STT3B: variants seen among roughly 807,000 people sequenced by gnomAD.
The protein encoded by STT3B is dolichyl-diphosphooligosaccharide--protein glycosyltransferase subunit STT3B.
A neutral mutation model predicts 96.8 loss-of-function variants in STT3B; 29 were observed. The ratio of observed to expected loss-of-function variants is 0.30; its 90% CI spans 0.22 to 0.41. The LOEUF is 0.41. Ranked by LOEUF, STT3B falls within the 10% of genes least tolerant of loss-of-function variation. The pLI, the probability that STT3B is intolerant of heterozygous loss-of-function variation, is 1.00. For synonymous variants in STT3B, 367 were observed against 360.0 expected (o/e 1.02, Z -0.22); for missense variants, 640 against 1,022.3 (o/e 0.63, Z 5.10).
intron 1 of STT3B, among the ~76,000 whole-genome samples, chr3:31,569,491 G>A (rs537002536): frequency 6.6e-6 from 1 of 152,274 alleles, no homozygotes; most frequent in East Asian, 1.9e-4. Flanking sequence ...TGGAGGAGGT[G>A]TGTTTTTGTT....
At chr3:31,544,962 A>G (rs1697367234) in intron 1 of STT3B, among the ~76,000 whole-genome samples, 1 of 152,116 alleles carries the variant, frequency 6.6e-6, no homozygotes, top group Non-Finnish European at 1.5e-5. Flanking sequence ...AACATTGCAT[A>G]TGCTCTTAAT....
chr3:31,534,673 T>G (rs894173545), intron 1 of STT3B, among the ~76,000 whole-genome samples: 10 of 152,166 alleles, frequency 6.6e-5, no homozygotes, highest in Non-Finnish European at 1.5e-4. Flanking sequence ...AGAGAAAAAT[T>G]GGTACTGCAA....
Position 31,533,329 on chromosome 3 carries a change from C to G in STT3B, c.314+17C>G, listed in dbSNP as rs374450589. On this transcript the variant is annotated intron_variant, in intron 1 of 15. Transcript: ENST00000295770. ...CGACCCGTGGTAAGTGCCTCGCCGCCCCTCCCCCGCCCGTGGCCCGCGGGG... is the reference window on the plus strand; with the variant it reads ...CGACCCGTGGTAAGTGCCTCGCCGCGCCTCCCCCGCCCGTGGCCCGCGGGG... 6.6e-7 allele frequency: 1 copy of G among 1,503,890 alleles called. No homozygotes were observed. The highest frequency in any genetic ancestry group is 8.9e-7 in the Non-Finnish European group (1 of 1,124,446). 93.2% of individuals were successfully genotyped at this position (1,503,890 alleles called of 1,614,324 possible).
intron 1 of STT3B, among the ~76,000 whole-genome samples, chr3:31,561,693 G>C (rs1169356266): frequency 1.3e-5 from 2 of 151,880 alleles, no homozygotes; most frequent in Admixed American, 6.6e-5. Flanking sequence ...TTCTTTTGGA[G>C]GTGTATCATA....
At chr3:31,627,278 A>T (rs919188869) in intron 13 of STT3B, among the ~76,000 whole-genome samples, 1 of 152,158 alleles carries the variant, frequency 6.6e-6, no homozygotes, top group Non-Finnish European at 1.5e-5. Flanking sequence ...TACAAACCCT[A>T]TCGTGAACTG....
chr3:31,591,570 A>G (rs1283719029), intron 3 of STT3B, among the ~76,000 whole-genome samples: 1 of 152,156 alleles, frequency 6.6e-6, no homozygotes, highest in Non-Finnish European at 1.5e-5. Context: ...CGAATTATGC[A>G]TCTTAATATT....
chr3:31,542,649 C>G (rs1449033114), intron 1 of STT3B, among the ~76,000 whole-genome samples: 1 of 152,162 alleles, frequency 6.6e-6, no homozygotes, highest in African/African-American at 2.4e-5. Context: ...ATATAAATGG[C>G]TCAAATTAGG....
intron 12 of STT3B, 25 bp downstream of exon 12, chr3:31,625,110 T>TA (rs754366041): frequency 1.3e-6 from 2 of 1,595,412 alleles, no homozygotes; most frequent in Non-Finnish European, 1.7e-6. Context: ...AATACAAGGT[T>TA]AAAAAATCTT....
At position 31,583,312 on chromosome 3, in the gene STT3B, A is replaced by T. The variant is rs182766548; in HGVS notation, c.711+3216A>T. 1.6e-3 allele frequency among the ~76,000 whole-genome samples: 233 copies of T among 149,304 alleles called. 1 individual carries two copies. The East Asian group carries it at 0.016, about 10-fold the overall frequency. Reference sequence around the variant, plus strand: ...CTTTCTCTTTTGTAACCTTTTTTTTAAAAAAAAAATTCAAAGTCTGTTTTT... The same window carrying T: ...CTTTCTCTTTTGTAACCTTTTTTTTTAAAAAAAAATTCAAAGTCTGTTTTT... On this transcript the variant is annotated intron_variant, in intron 3 of 15. Transcript: ENST00000295770.
Position 31,533,173 on chromosome 3 carries a change from T to C in STT3B, c.175T>C (p.Ser59Pro). Reference sequence around the variant, plus strand: ...GCCGAAGCCGGCCCCGGCGGGGCTGTCCGGGGGGCTGTCGCAGCCGGCTGG... The same window carrying C: ...GCCGAAGCCGGCCCCGGCGGGGCTGCCCGGGGGGCTGTCGCAGCCGGCTGG... ...APPKPAPAGL[S>P]GGLSQPAGWQ... The change falls in exon 1 of 16, where the codon TCC becomes CCC. Residue 59 changes from serine to proline, a missense_variant. Ser to Pro is a moderately conservative substitution (Grantham distance 74). This residue lies in a region of STT3B where 267 missense variants were observed against 388.3 expected (regional missense o/e 0.69). Transcript: ENST00000295770. 1 of 1,406,970 alleles carries C rather than the reference T, an allele frequency of 7.1e-7. No homozygotes were observed. The allele number at this position is 1,406,970 out of a possible 1,614,324, so 87.2% of individuals were successfully genotyped here. A position where few individuals can be genotyped will look rare whatever the true frequency, so the allele number is the denominator to read the frequency against.
chr3:31,569,584 G>C (rs1698089097), intron 1 of STT3B, among the ~76,000 whole-genome samples: 1 of 152,016 alleles, frequency 6.6e-6, no homozygotes, highest in African/African-American at 2.4e-5. Context: ...AATATACTTA[G>C]CAATTTTTTG....
At chr3:31,558,996 A>G (rs910007724) in intron 1 of STT3B, among the ~76,000 whole-genome samples, 16 of 150,234 alleles carry the variant, frequency 1.1e-4, no homozygotes, top group African/African-American at 3.9e-4. Flanking sequence ...TTTCTGTGGT[A>G]CTAATTTGTA....
Position 31,623,640 on chromosome 3 carries a change from G to A in STT3B, c.1540-34G>A, listed in dbSNP as rs760041170. 3.3e-6 allele frequency: 5 copies of A among 1,508,388 alleles called. No homozygotes were observed. The East Asian group carries it at 6.8e-5, about 21-fold the overall frequency. The allele number at this position is 1,508,388 out of a possible 1,614,324, so 93.4% of individuals were successfully genotyped here. ...ATCTTAATGAAGCAAGTCAAATAAT[G>A]AATTTGTCTAACCAATTTTTTTAAT... is the stretch of plus-strand genomic sequence containing the variant. On this transcript the variant is annotated intron_variant, in intron 10 of 15. Transcript: ENST00000295770.
At chr3:31,580,171 A>G in intron 3 of STT3B, 75 bp downstream of exon 3, 2 of 1,454,194 alleles carry the variant, frequency 1.4e-6, no homozygotes, top group Non-Finnish European at 1.9e-6. Flanking sequence ...CTGTACGCAG[A>G]TTTGTCTTTT....
At chr3:31,558,559 ATCTTTT>A (rs1225958649) in intron 1 of STT3B, among the ~76,000 whole-genome samples, 1 of 152,150 alleles carries the variant, frequency 6.6e-6, no homozygotes, top group African/African-American at 2.4e-5. Flanking sequence ...ATGGTGTATT[ATCTTTT>A]TGATGTACTG....
At chr3:31,553,489 A>G (rs1697621308) in intron 1 of STT3B, among the ~76,000 whole-genome samples, 1 of 152,240 alleles carries the variant, frequency 6.6e-6, no homozygotes, top group Non-Finnish European at 1.5e-5. Context: ...GTTAAATGAA[A>G]GAAGCCTGAT....
chr3:31,588,010 T>A (rs570488750), intron 3 of STT3B, among the ~76,000 whole-genome samples: 69 of 152,272 alleles, frequency 4.5e-4, no homozygotes, highest in Non-Finnish European at 7.9e-4. Context: ...TGACTTTAGC[T>A]CTCTGATAAG....
At chr3:31,626,311 A>T (rs1014681331) in intron 13 of STT3B, among the ~76,000 whole-genome samples, 184 bp downstream of exon 13, 3 of 152,214 alleles carry the variant, frequency 2.0e-5, no homozygotes, top group Non-Finnish European at 4.4e-5. Flanking sequence ...TTTGAAGTCA[A>T]AATGGAACTA....
rs1699166933 is a variant in STT3B, at chr3:31,610,939, T to G, written c.878-4166T>G. 9.2e-5 allele frequency among the ~76,000 whole-genome samples: 14 copies of G among 152,230 alleles called. 1 individual carries two copies. In the South Asian group the frequency reaches 2.9e-3, roughly 31 times the overall value. ...ACATTTTCATGATGTAATAAATGATTTACAACACTATTGGTATCATGTATT... is the reference window on the plus strand; with the variant it reads ...ACATTTTCATGATGTAATAAATGATGTACAACACTATTGGTATCATGTATT... On this transcript the variant is annotated intron_variant, in intron 5 of 15. Coordinates refer to ENST00000295770, the MANE Select transcript of STT3B (RefSeq NM_178862.3).
Sources: gnomAD v4.1 joint callset for allele counts (sites outside exome capture counted in the v4.1 genomes callset) on GRCh38, gnomAD v4.1.1 for gene constraint, gnomAD v4.1.1 regional missense constraint, MANE v1.5 for transcripts, NCBI Gene and HGNC (gene_info 2026-07-23, HGNC 2026-07-21) for gene names.